Variants in ZEB1 observed in about 807,000 individuals in gnomAD.
The protein encoded by ZEB1 is zinc finger E-box binding homeobox 1, also known as zinc finger E-box-binding homeobox 1.
ZEB1 carries 21 observed loss-of-function variants against 84.9 expected under a neutral mutation model. That is an observed-to-expected ratio of 0.25 (90% CI 0.18 to 0.36). The LOEUF (loss-of-function observed/expected upper bound fraction) is 0.36. ZEB1 is among the 10% of genes least tolerant of loss of function. The probability of loss-of-function intolerance (pLI) is 1.00; values close to 1 mark genes in which losing one functional copy is unlikely to be tolerated. For synonymous variants in ZEB1, 420 were observed against 471.1 expected, an observed-to-expected ratio of 0.89 and a Z score of 1.41; for missense variants, 1,104 against 1,330.2, an observed-to-expected ratio of 0.83 and a Z score of 2.65.
At chr10:31,359,135 C>A (rs2042581536) in intron 1 of ZEB1, among the ~76,000 whole-genome samples, 1 of 152,062 alleles carries the variant, frequency 6.6e-6, no homozygotes, top group African/African-American at 2.4e-5. Context: ...TACTGCAGTG[C>A]TAATTATTGT....
At chr10:31,373,828 T>A (rs913943582) in intron 1 of ZEB1, among the ~76,000 whole-genome samples, 3 of 151,938 alleles carry the variant, frequency 2.0e-5, no homozygotes, top group Admixed American at 2.0e-4. Flanking sequence ...AAATCAGACA[T>A]CTCTCTCCTG....
rs145861004 is a variant in ZEB1, at chr10:31,391,866, A to G, written c.59-69171A>G. Reference sequence around the variant, plus strand: ...TATATATGTGTTTTTACTGGGGAGAATGTCCATATTTTCATCATATTCTCA... The same window carrying G: ...TATATATGTGTTTTTACTGGGGAGAGTGTCCATATTTTCATCATATTCTCA... On this transcript the variant is annotated intron_variant, in intron 1 of 8. Transcript: ENST00000424869. Among the ~76,000 whole-genome samples the G allele has an allele frequency of 4.4e-4, 67 of 152,312 alleles. No individual in the cohort carries two copies. In the East Asian group the frequency reaches 0.012, roughly 28 times the overall value.
chr10:31,367,775 T>C (rs1207405156), intron 1 of ZEB1, among the ~76,000 whole-genome samples: 2 of 152,276 alleles, frequency 1.3e-5, no homozygotes. Flanking sequence ...TGACTCTATA[T>C]AGGAATACTT....
chr10:31,501,847 ATTC>A (rs1482158777), intron 3 of ZEB1, among the ~76,000 whole-genome samples: 6 of 152,310 alleles, frequency 3.9e-5, no homozygotes, highest in Non-Finnish European at 7.4e-5. Context: ...CTCTCAAATT[ATTC>A]TTCTTGTACT....
intron 1 of ZEB1, among the ~76,000 whole-genome samples, chr10:31,431,825 A>T (rs1162734506): frequency 1.3e-5 from 2 of 152,262 alleles, no homozygotes; most frequent in African/African-American, 4.8e-5. Context: ...AGACCTACGT[A>T]GTATAACTAA....
chr10:31,449,156 G>C lies in ZEB1; in HGVS notation c.59-11881G>C, dbSNP rs542269124. Among the ~76,000 whole-genome samples, 53 of 152,340 alleles carry C rather than the reference G, an allele frequency of 3.5e-4. No homozygotes were observed. The East Asian group carries it at 7.3e-3, about 21-fold the overall frequency. ...GCCAGTCTGAAAAGCGCAATATTCG[G>C]GTGGGAGTGACCCGATTTTCCAGGT... On this transcript the variant is annotated intron_variant, in intron 1 of 8. Coordinates refer to ENST00000424869, the MANE Select transcript of ZEB1 (RefSeq NM_001174096.2).
At chr10:31,348,220 C>G (rs1334175773) in intron 1 of ZEB1, among the ~76,000 whole-genome samples, 1 of 152,040 alleles carries the variant, frequency 6.6e-6, no homozygotes, top group African/African-American at 2.4e-5. Flanking sequence ...GAAAAAGGAG[C>G]AAGTTAGGGG....
intron 1 of ZEB1, chr10:31,389,801 A>G (rs932209439): frequency 1.3e-5 from 2 of 152,204 alleles, no homozygotes; most frequent in African/African-American, 4.8e-5. Flanking sequence ...ATATTATTCC[A>G]ACATATAATT....
At chr10:31,524,650 C>T (rs2073070406) in intron 8 of ZEB1, among the ~76,000 whole-genome samples, 1 of 151,902 alleles carries the variant, frequency 6.6e-6, no homozygotes, top group South Asian at 2.1e-4. Context: ...GACTTATTTC[C>T]TTTAAGCTGA....
intron 1 of ZEB1, chr10:31,321,141 C>T (rs899859164): frequency 5.0e-5 from 52 of 1,038,612 alleles, no homozygotes; most frequent in Non-Finnish European, 5.9e-5. Flanking sequence ...TCCCTTTCTC[C>T]CTCCCCTCTG....
Position 31,520,339 on chromosome 10 carries a change from A to G in ZEB1, c.1007A>G (p.Lys336Arg), listed in dbSNP as rs772976560. Residue 336 changes from lysine (K) to arginine (R), a missense_variant, in exon 7 of 9, where the codon AAA (lysine) becomes AGA (arginine). Physicochemically the swap from Lys to Arg is conservative, Grantham distance 26 (BLOSUM62 2). Transcript: ENST00000424869. The surrounding 1 kb of genome is among the most constrained non-coding windows in gnomAD (Gnocchi z 5.1). ...RPQIRQKIEN[K>R]PLQEQLSVNQ... The stretch of plus-strand genomic sequence containing the variant: ...CAGATACGGCAAAAGATAGAGAATA[A>G]ACCCCTTCAAGAACAACTTTCTGTT... The G allele has an allele frequency of 8.7e-6, 14 of 1,613,850 alleles. No individual in the cohort carries two copies. Among genetic ancestry groups the G allele is most frequent in the Non-Finnish European group, 1.2e-5 (14 of 1,179,934 alleles).
intron 1 of ZEB1, among the ~76,000 whole-genome samples, chr10:31,424,168 G>C (rs946766431): frequency 2.0e-5 from 3 of 151,904 alleles, no homozygotes; most frequent in Non-Finnish European, 4.4e-5. Context: ...AATTCACTTT[G>C]AAGAAATGCA....
intron 1 of ZEB1, among the ~76,000 whole-genome samples, chr10:31,341,369 G>C (rs2133587616): frequency 6.6e-6 from 1 of 152,210 alleles, no homozygotes; most frequent in East Asian, 1.9e-4. Context: ...TGACCAGTGG[G>C]AGAGAAAAAA....
intron 1 of ZEB1, among the ~76,000 whole-genome samples, chr10:31,367,949 T>C (rs2044853931): frequency 6.7e-6 from 1 of 150,218 alleles, no homozygotes; most frequent in South Asian, 2.1e-4. Flanking sequence ...TGCTTTATTA[T>C]ATACTATATA....
intron 2 of ZEB1, among the ~76,000 whole-genome samples, chr10:31,486,224 TTTTCA>T (rs2065745062): frequency 6.6e-6 from 1 of 151,672 alleles, no homozygotes; most frequent in Non-Finnish European, 1.5e-5. Flanking sequence ...TGAAGTTAAG[TTTTCA>T]TTTCTCTAGG....
At chr10:31,437,206 T>G (rs1051426240) in intron 1 of ZEB1, among the ~76,000 whole-genome samples, 1 of 152,312 alleles carries the variant, frequency 6.6e-6, no homozygotes, top group African/African-American at 2.4e-5. Flanking sequence ...TCTGCATCAC[T>G]TTTAATTTAG....
rs190438417 is a variant in ZEB1 at position 31,374,122 on chromosome 10, T to C, written c.58+54830T>C. Among the ~76,000 whole-genome samples, 600 of 151,960 alleles carry C rather than the reference T, an allele frequency of 3.9e-3. 3 individuals carry two copies. The highest frequency in any genetic ancestry group is 6.7e-3 in the Non-Finnish European group (456 of 67,766). ...AGTTTTGTGATAACAAGGTAATGGC[T>C]GATGAAGATTAGCATATTAATAATA... is the stretch of plus-strand genomic sequence containing the variant. On this transcript the variant is annotated intron_variant, in intron 1 of 8. Transcript: ENST00000424869.
At chr10:31,372,606 G>T (rs1333692110) in intron 1 of ZEB1, among the ~76,000 whole-genome samples, 1 of 151,948 alleles carries the variant, frequency 6.6e-6, no homozygotes, top group Admixed American at 6.6e-5. Context: ...ACTTCTTGTG[G>T]TATGTACTAT....
At chr10:31,446,961 G>T (rs529706963) in intron 1 of ZEB1, among the ~76,000 whole-genome samples, 1 of 151,840 alleles carries the variant, frequency 6.6e-6, no homozygotes, top group Non-Finnish European at 1.5e-5. Context: ...CAATTCCCTG[G>T]GTATCCTTGT....
Sources: gnomAD v4.1 joint callset for allele counts (sites outside exome capture counted in the v4.1 genomes callset) on GRCh38, gnomAD v4.1.1 for gene constraint, Gnocchi (gnomAD v3.1) non-coding constraint, MANE v1.5 for transcripts, NCBI Gene and HGNC (gene_info 2026-07-23, HGNC 2026-07-21) for gene names.